The following SH3RF1 variants were observed in gnomAD, a reference collection of about 807,000 sequenced individuals.
SH3RF1 encodes the protein SH3 domain containing ring finger 1, also known as E3 ubiquitin-protein ligase SH3RF1.
In SH3RF1, 32 loss-of-function variants were observed where a neutral mutation model predicts 74.0. The observed-to-expected ratio is 0.43, with a 90% CI of 0.33 to 0.58. The LOEUF (loss-of-function observed/expected upper bound fraction) is 0.58. Ranked by LOEUF, SH3RF1 falls within the 20% of genes least tolerant of loss-of-function variation. The pLI, the probability that SH3RF1 is intolerant of heterozygous loss-of-function variation, is 0.05. For synonymous variants in SH3RF1, 396 were observed against 439.6 expected, an observed-to-expected ratio of 0.90 and a Z score of 1.24; for missense variants, 954 against 1,130.9, an observed-to-expected ratio of 0.84 and a Z score of 2.24.
chr4:169,151,160 G>A (rs147247247), intron 4 of SH3RF1, among the ~76,000 whole-genome samples: 5 of 152,124 alleles, frequency 3.3e-5, no homozygotes, highest in African/African-American at 1.2e-4. Context: ...TATTGAAAGC[G>A]TACTACAGGC....
intron 4 of SH3RF1, among the ~76,000 whole-genome samples, chr4:169,138,743 T>C (rs1183594390): frequency 1.3e-5 from 2 of 152,182 alleles, no homozygotes; most frequent in Non-Finnish European, 2.9e-5. Context: ...ATCATGATCA[T>C]ACCTGGCTGG....
At position 169,120,697 on chromosome 4, in the gene SH3RF1, T is replaced by C. The variant is rs531456624; in HGVS notation, c.1517+122A>G. 9.3e-6 allele frequency: 10 copies of C among 1,074,568 alleles called. No individual in the cohort carries two copies. In the South Asian group the frequency reaches 9.4e-5, roughly 10 times the overall value. The allele number at this position is 1,074,568 out of a possible 1,614,324, so 66.6% of individuals were successfully genotyped here. A position where few individuals can be genotyped will look rare whatever the true frequency, so the allele number is the denominator to read the frequency against. On this transcript the variant is annotated intron_variant, in intron 8 of 11. Coordinates refer to ENST00000284637, the MANE Select transcript of SH3RF1 (RefSeq NM_020870.4). ...TTTAGCAGATGTAGACATGGATTTT[T>C]AAAACCTTGGCTATGTAACAGGCAA... is the stretch of plus-strand genomic sequence containing the variant.
At chr4:169,158,257 A>G (rs1734092796) in intron 2 of SH3RF1, among the ~76,000 whole-genome samples, 1 of 152,212 alleles carries the variant, frequency 6.6e-6, no homozygotes, top group South Asian at 2.1e-4. Flanking sequence ...CACATGAGCC[A>G]AGTCTTAAAG....
At chr4:169,241,352 C>T (rs1730907228) in intron 2 of SH3RF1, among the ~76,000 whole-genome samples, 1 of 152,222 alleles carries the variant, frequency 6.6e-6, no homozygotes, top group Non-Finnish European at 1.5e-5. Flanking sequence ...TCAGAAGCGA[C>T]TTGAATAGAT....
intron 4 of SH3RF1, among the ~76,000 whole-genome samples, chr4:169,137,048 T>C (rs1733713715): frequency 6.6e-6 from 1 of 152,162 alleles, no homozygotes; most frequent in Non-Finnish European, 1.5e-5. Context: ...AACTGAACAA[T>C]GAAGGGGCAA....
Position 169,120,897 on chromosome 4 carries a change from T to C in SH3RF1, c.1439A>G (p.Asp480Gly), listed in dbSNP as rs1177375864. Residue 480 changes from aspartate to glycine, a missense_variant, in exon 8 of 12, where the codon GAT becomes GGT. Asp to Gly is a moderately conservative substitution (Grantham distance 94). This residue lies in a region of SH3RF1 where 854 missense variants were observed against 962.5 expected (regional missense o/e 0.89). Transcript: ENST00000284637. ...CATGGATGTCCCTTTGAACCAGCCATCCTGGCAGCGCTCAAACACTAAAAA... is the reference window on the plus strand; with the variant it reads ...CATGGATGTCCCTTTGAACCAGCCACCCTGGCAGCGCTCAAACACTAAAAA... ...EMFLVFERCQ[D>G]GWFKGTSMHT... The C allele has an allele frequency of 1.2e-6, 2 of 1,614,094 alleles. No individual in the cohort carries two copies. Among genetic ancestry groups the C allele is most frequent in the African/African-American group, 1.3e-5 (1 of 74,944 alleles).
chr4:169,125,985 G>A (rs1733517985), intron 6 of SH3RF1, among the ~76,000 whole-genome samples: 1 of 152,200 alleles, frequency 6.6e-6, no homozygotes, highest in Non-Finnish European at 1.5e-5. Flanking sequence ...TATCAGTTAA[G>A]TGACTCTGTA....
intron 11 of SH3RF1, among the ~76,000 whole-genome samples, chr4:169,096,973 T>C (rs1200152323): frequency 1.3e-5 from 2 of 152,196 alleles, no homozygotes; most frequent in Admixed American, 6.5e-5. Flanking sequence ...GTTTGTATCT[T>C]GGCCATAAAG....
intron 2 of SH3RF1, among the ~76,000 whole-genome samples, chr4:169,202,583 A>G (rs1409159845): frequency 6.6e-6 from 1 of 152,244 alleles, no homozygotes; most frequent in African/African-American, 2.4e-5. Flanking sequence ...CACAGTGACA[A>G]TTGTCTGAAC....
intron 11 of SH3RF1, among the ~76,000 whole-genome samples, chr4:169,097,313 A>G (rs1433191476): frequency 6.6e-6 from 1 of 152,214 alleles, no homozygotes; most frequent in African/African-American, 2.4e-5. Flanking sequence ...GGTAGTCCCA[A>G]GGTCCAGACA....
intron 2 of SH3RF1, among the ~76,000 whole-genome samples, chr4:169,256,541 G>A (rs1731197168): frequency 1.3e-5 from 2 of 152,162 alleles, no homozygotes; most frequent in African/African-American, 2.4e-5. Flanking sequence ...ACATATAAGT[G>A]TTAATTAATT....
intron 6 of SH3RF1, among the ~76,000 whole-genome samples, chr4:169,124,325 A>G (rs552873944): frequency 1.9e-4 from 29 of 152,256 alleles, no homozygotes; most frequent in Non-Finnish European, 4.1e-4. Flanking sequence ...GACAAAAATC[A>G]TCTATGCACC....
chr4:169,264,243 T>C (rs775929437), intron 2 of SH3RF1, among the ~76,000 whole-genome samples: 2 of 152,202 alleles, frequency 1.3e-5, no homozygotes, highest in African/African-American at 4.8e-5. Context: ...CTCTCCTTGG[T>C]TGGTAAGTGG....
intron 4 of SH3RF1, among the ~76,000 whole-genome samples, chr4:169,144,823 T>C (rs914186923): frequency 4.6e-5 from 7 of 152,058 alleles, no homozygotes; most frequent in African/African-American, 1.7e-4. Flanking sequence ...CAACTAATTT[T>C]TAAAAACCAC....
At chr4:169,097,424 G>T (rs1370883885) in intron 11 of SH3RF1, among the ~76,000 whole-genome samples, 1 of 152,024 alleles carries the variant, frequency 6.6e-6, no homozygotes, top group Admixed American at 6.6e-5. Flanking sequence ...GTTTCTCCTT[G>T]GCTCAGAATT....
chr4:169,115,222 T>A (rs372741536), intron 10 of SH3RF1, among the ~76,000 whole-genome samples: 1 of 152,134 alleles, frequency 6.6e-6, no homozygotes, highest in East Asian at 1.9e-4. Flanking sequence ...AAGTCTTACC[T>A]CTCAAGGAAC....
intron 2 of SH3RF1, among the ~76,000 whole-genome samples, chr4:169,265,064 C>A (rs1003894675): frequency 2.6e-5 from 4 of 152,170 alleles, no homozygotes; most frequent in African/African-American, 9.7e-5. Context: ...TTCTTCTATC[C>A]TCTCCCCTAG....
chr4:169,121,087 C>A, intron 7 of SH3RF1, 98 bp from the exon 8 acceptor site: 2 of 923,056 alleles, frequency 2.2e-6, no homozygotes, highest in Non-Finnish European at 1.7e-6. Flanking sequence ...ACATTTTGTA[C>A]AAATGTAAAC....
intron 11 of SH3RF1, among the ~76,000 whole-genome samples, chr4:169,099,459 T>A (rs377632144): frequency 6.6e-6 from 1 of 152,228 alleles, no homozygotes; most frequent in Non-Finnish European, 1.5e-5. Context: ...CCAGATGACA[T>A]TTCTCAAGTC....
Sources: gnomAD v4.1 joint callset for allele counts (sites outside exome capture counted in the v4.1 genomes callset) on GRCh38, gnomAD v4.1.1 for gene constraint, gnomAD v4.1.1 regional missense constraint, MANE v1.5 for transcripts, NCBI Gene and HGNC (gene_info 2026-07-23, HGNC 2026-07-21) for gene names.